Variants in TTC28 observed in about 807,000 individuals in gnomAD.
The protein encoded by TTC28 is tetratricopeptide repeat domain 28.
A neutral mutation model predicts 198.0 loss-of-function variants in TTC28; 61 were observed. That is an observed-to-expected ratio of 0.31 (90% CI 0.25 to 0.38). TTC28 has a LOEUF of 0.38. Ranked by LOEUF, TTC28 falls within the 10% of genes least tolerant of loss-of-function variation. The pLI is 1.00. For missense variants in TTC28, 2,678 were observed against 3,164.0 expected (o/e 0.85, Z 3.69); for synonymous variants, 1,171 against 1,297.8 (o/e 0.90, Z 2.10).
chr22:28,387,571 G>T (rs1462164919), intron 2 of TTC28, among the ~76,000 whole-genome samples: 1 of 152,122 alleles, frequency 6.6e-6, no homozygotes, highest in African/African-American at 2.4e-5. Context: ...TTGTGGTTTT[G>T]ATTTGCATTT....
At chr22:28,560,456 C>CCCTT (rs1569025807) in intron 2 of TTC28, among the ~76,000 whole-genome samples, 1 of 152,286 alleles carries the variant, frequency 6.6e-6, no homozygotes, top group East Asian at 1.9e-4. Context: ...TCATGGCTTA[C>CCCTT]AAGGTCCTGT....
chr22:28,271,030 T>A (rs1438401944), intron 5 of TTC28, among the ~76,000 whole-genome samples: 1 of 152,208 alleles, frequency 6.6e-6, no homozygotes, highest in African/African-American at 2.4e-5. Flanking sequence ...AGCTATCAAT[T>A]TGACTGATAA....
chr22:28,421,366 C>T (rs1027769103), intron 2 of TTC28, among the ~76,000 whole-genome samples: 59 of 152,060 alleles, frequency 3.9e-4, no homozygotes, highest in African/African-American at 1.4e-3. Flanking sequence ...GAAATCTTTA[C>T]AAAGAATTGT....
At chr22:28,348,518 A>G (rs2045944619) in intron 2 of TTC28, among the ~76,000 whole-genome samples, 1 of 152,136 alleles carries the variant, frequency 6.6e-6, no homozygotes, top group African/African-American at 2.4e-5. Flanking sequence ...ACATCCTTGG[A>G]ATTAACATTC....
chr22:28,409,782 G>A (rs1216189938), intron 2 of TTC28, among the ~76,000 whole-genome samples: 12 of 151,168 alleles, frequency 7.9e-5, no homozygotes, highest in Non-Finnish European at 1.5e-4. Flanking sequence ...CCAGCCTCCC[G>A]AGTAGCTGGG....
chr22:28,343,268 G>A (rs2045860035), intron 2 of TTC28, among the ~76,000 whole-genome samples: 1 of 152,180 alleles, frequency 6.6e-6, no homozygotes. Context: ...AGTGGCTCAT[G>A]CCTGTAATCC....
At chr22:28,260,644 C>T (rs983553309) in intron 5 of TTC28, among the ~76,000 whole-genome samples, 1 of 152,082 alleles carries the variant, frequency 6.6e-6, no homozygotes, top group African/African-American at 2.4e-5. Context: ...ACAAAACAAA[C>T]AACAGCAATA....
intron 1 of TTC28, among the ~76,000 whole-genome samples, chr22:28,657,172 A>G (rs553239994): frequency 2.0e-4 from 30 of 152,340 alleles, no homozygotes; most frequent in Non-Finnish European, 3.7e-4. Context: ...GCCCAAAGTC[A>G]CACAGTTGTG....
intron 1 of TTC28, among the ~76,000 whole-genome samples, chr22:28,635,583 C>A (rs934671798): frequency 2.0e-5 from 3 of 152,194 alleles, no homozygotes; most frequent in Middle Eastern, 3.4e-3. Flanking sequence ...ACATGTGAGC[C>A]AAATGGGCTC....
intron 6 of TTC28, among the ~76,000 whole-genome samples, chr22:28,141,795 T>C (rs981334404): frequency 6.6e-6 from 1 of 152,106 alleles, no homozygotes; most frequent in African/African-American, 2.4e-5. Context: ...GACCATTTAA[T>C]ACCAAAACAA....
chr22:28,355,783 T>C (rs189445871), intron 2 of TTC28, among the ~76,000 whole-genome samples: 1 of 152,126 alleles, frequency 6.6e-6, no homozygotes, highest in Non-Finnish European at 1.5e-5. Context: ...GCCCAACAGA[T>C]CTCACACCCA....
Position 28,149,440 on chromosome 22 carries a change from G to C in TTC28, c.1441+13652C>G, listed in dbSNP as rs74440617. Among the ~76,000 whole-genome samples the C allele has an allele frequency of 4.8e-3, 738 of 152,294 alleles. 5 individuals carry two copies. The highest frequency in any genetic ancestry group is 0.017 in the African/African-American group (714 of 41,560). ...AACAGTTTTCAAAACAAAAAATTCT[G>C]TCACTTAAGACAATATGGATGAACC... is the stretch of plus-strand genomic sequence containing the variant. On this transcript the variant is annotated intron_variant, in intron 6 of 22. Transcript: ENST00000397906.
intron 12 of TTC28, among the ~76,000 whole-genome samples, chr22:28,058,748 T>C (rs1399650543): frequency 6.6e-6 from 1 of 152,050 alleles, no homozygotes; most frequent in East Asian, 1.9e-4. Context: ...AACTTTGAGT[T>C]TGCTGTTAAA....
chr22:28,330,825 T>C (rs1346875049), intron 2 of TTC28, among the ~76,000 whole-genome samples: 1 of 152,142 alleles, frequency 6.6e-6, no homozygotes. Context: ...CATTAAACAA[T>C]TAAAGAGTTG....
At chr22:28,078,811 C>A (rs1478217425) in intron 12 of TTC28, among the ~76,000 whole-genome samples, 1 of 152,058 alleles carries the variant, frequency 6.6e-6, no homozygotes, top group Non-Finnish European at 1.5e-5. Context: ...AAACTAACAA[C>A]GGAGCTTCTG....
intron 2 of TTC28, among the ~76,000 whole-genome samples, chr22:28,589,033 C>G (rs908906782): frequency 6.6e-5 from 10 of 152,248 alleles, no homozygotes; most frequent in East Asian, 3.9e-4. Context: ...ATGCTTAAGC[C>G]TTCTTAGCCC....
intron 14 of TTC28, 132 bp from the exon 15 acceptor site, chr22:28,001,685 C>CA: frequency 9.4e-7 from 1 of 1,064,656 alleles, no homozygotes; most frequent in Non-Finnish European, 1.3e-6. Flanking sequence ...TGTGGGGCGC[C>CA]ATGGGGCATG....
At chr22:28,257,731 T>G (rs1931029007) in intron 5 of TTC28, among the ~76,000 whole-genome samples, 1 of 116,172 alleles carries the variant, frequency 8.6e-6, no homozygotes, top group African/African-American at 3.6e-5. Context: ...CTTTAGATGG[T>G]AATAGAACAT....
chr22:28,263,374 A>G (rs1931457511), intron 5 of TTC28, among the ~76,000 whole-genome samples: 1 of 152,158 alleles, frequency 6.6e-6, no homozygotes, highest in Non-Finnish European at 1.5e-5. Context: ...TCTGATTCAC[A>G]TATTATAATA....
Sources: gnomAD v4.1 joint callset for allele counts (sites outside exome capture counted in the v4.1 genomes callset) on GRCh38, gnomAD v4.1.1 for gene constraint, MANE v1.5 for transcripts, NCBI Gene and HGNC (gene_info 2026-07-23, HGNC 2026-07-21) for gene names.